Variants in SNX29 observed in about 807,000 individuals in gnomAD.
The protein encoded by SNX29 is sorting nexin-29.
SNX29 carries 78 observed loss-of-function variants against 102.1 expected under a neutral mutation model. The observed-to-expected ratio is 0.76, with a 90% CI of 0.64 to 0.92. The LOEUF is 0.92. Among genes scored for constraint, SNX29 ranks in the 40% least tolerant of loss-of-function variants. The probability of loss-of-function intolerance (pLI) is 0.00; values close to 1 mark genes in which losing one functional copy is unlikely to be tolerated. For synonymous variants in SNX29, 580 were observed against 414.5 expected, an observed-to-expected ratio of 1.40 and a Z score of -4.85; for missense variants, 1,280 against 1,061.7, an observed-to-expected ratio of 1.21 and a Z score of -2.86.
intron 14 of SNX29, among the ~76,000 whole-genome samples, chr16:12,251,460 TG>T (rs577212654): frequency 6.6e-6 from 1 of 152,268 alleles, no homozygotes; most frequent in African/African-American, 2.4e-5. Flanking sequence ...CCCAACACTT[TG>T]GGGGGCCAAG....
At chr16:12,476,533 G>A (rs1287460083) in intron 18 of SNX29, among the ~76,000 whole-genome samples, 2 of 146,828 alleles carry the variant, frequency 1.4e-5, no homozygotes, top group Non-Finnish European at 3.0e-5. Flanking sequence ...TGTTGAAGAA[G>A]CCTTGAGTAA....
At chr16:12,380,233 G>A (rs1342013448) in intron 16 of SNX29, among the ~76,000 whole-genome samples, 1 of 144,442 alleles carries the variant, frequency 6.9e-6, no homozygotes, top group East Asian at 1.9e-4. Flanking sequence ...GAGGGTACAG[G>A]CTTAGACAAT....
At chr16:12,386,400 G>A (rs1197862447) in intron 16 of SNX29, among the ~76,000 whole-genome samples, 1 of 152,204 alleles carries the variant, frequency 6.6e-6, no homozygotes, top group Non-Finnish European at 1.5e-5. Flanking sequence ...CCATGGAGGA[G>A]GAAGCGAAGG....
chr16:12,529,963 A>G (rs538794980), intron 20 of SNX29, among the ~76,000 whole-genome samples: 117 of 152,320 alleles, frequency 7.7e-4, no homozygotes, highest in African/African-American at 2.6e-3. Flanking sequence ...TGGTGATGCC[A>G]TGCAAGAGAT....
At chr16:12,536,890 C>T (rs2865230) in intron 20 of SNX29, among the ~76,000 whole-genome samples, 18,644 of 152,128 alleles carry the variant, frequency 0.12, 1,389 homozygotes, top group Non-Finnish European at 0.16. Context: ...GCAAGATAAT[C>T]GCTTGAGCCC....
intron 14 of SNX29, among the ~76,000 whole-genome samples, chr16:12,232,097 AGTT>A (rs1215924822): frequency 2.0e-5 from 3 of 152,120 alleles, no homozygotes; most frequent in Admixed American, 6.5e-5. Context: ...GGTTTTTAGC[AGTT>A]GTTGTGATTT....
At chr16:12,458,842 A>G (rs2086646733) in intron 18 of SNX29, among the ~76,000 whole-genome samples, 1 of 152,182 alleles carries the variant, frequency 6.6e-6, no homozygotes, top group Non-Finnish European at 1.5e-5. Context: ...CACACAGGAG[A>G]AAACTACCCA....
At chr16:12,068,040 G>A (rs1170042766) in intron 9 of SNX29, among the ~76,000 whole-genome samples, 1 of 152,162 alleles carries the variant, frequency 6.6e-6, no homozygotes, top group Non-Finnish European at 1.5e-5. Context: ...TCAGGAATTA[G>A]ACCATGCTGC....
chr16:12,321,517 A>G (rs1410473914), intron 15 of SNX29, among the ~76,000 whole-genome samples: 1 of 152,144 alleles, frequency 6.6e-6, no homozygotes, highest in Non-Finnish European at 1.5e-5. Flanking sequence ...CTTCCGTGGA[A>G]CATTGTTGCA....
intron 19 of SNX29, among the ~76,000 whole-genome samples, chr16:12,507,832 G>C (rs1217219012): frequency 6.6e-6 from 1 of 152,146 alleles, no homozygotes; most frequent in African/African-American, 2.4e-5. Flanking sequence ...CTTGACAGGT[G>C]GCGCTTCTGT....
intron 14 of SNX29, among the ~76,000 whole-genome samples, chr16:12,237,601 G>A (rs773310730): frequency 2.6e-5 from 4 of 151,184 alleles, no homozygotes; most frequent in Non-Finnish European, 2.9e-5. Context: ...TGAAACCCCC[G>A]TCTCTACTAA....
chr16:12,195,854 A>G (rs2076759255), intron 13 of SNX29, among the ~76,000 whole-genome samples: 1 of 152,120 alleles, frequency 6.6e-6, no homozygotes, highest in South Asian at 2.1e-4. Context: ...TGGTCTAATG[A>G]GACACCAAGT....
At chr16:12,558,310 A>T (rs1368219047) in intron 20 of SNX29, among the ~76,000 whole-genome samples, 5 of 151,996 alleles carry the variant, frequency 3.3e-5, no homozygotes, top group African/African-American at 1.2e-4. Flanking sequence ...GCCCCTGGTC[A>T]CCTCAAGTGG....
chr16:12,406,199 G>C (rs896633921), intron 18 of SNX29, among the ~76,000 whole-genome samples: 1 of 152,094 alleles, frequency 6.6e-6, no homozygotes, highest in African/African-American at 2.4e-5. Flanking sequence ...ATATATATGT[G>C]TCATGAGATT....
chr16:12,413,262 G>C (rs1375849372), intron 18 of SNX29, among the ~76,000 whole-genome samples: 1 of 152,098 alleles, frequency 6.6e-6, no homozygotes, highest in Non-Finnish European at 1.5e-5. Context: ...ACAGTGAAGG[G>C]CATAGCCAGG....
chr16:12,341,732 A>G (rs914549639), intron 15 of SNX29, among the ~76,000 whole-genome samples: 3 of 152,190 alleles, frequency 2.0e-5, no homozygotes, highest in African/African-American at 7.2e-5. Flanking sequence ...CTCAGAAGAA[A>G]CATTTGTCAC....
rs969297112 is a variant in SNX29, at chr16:12,258,451, T to C, written c.1679-19482T>C. On this transcript the variant is annotated intron_variant, in intron 14 of 20. Transcript: ENST00000566228. ...GAGGTCTCCCCACAGAGGCCCAGCC[T>C]CCATGTCTGCAGGAGCTCTCCTGAG... is the stretch of plus-strand genomic sequence containing the variant. Among the ~76,000 whole-genome samples, 4 of 152,166 alleles carry C rather than the reference T, an allele frequency of 2.6e-5. No homozygotes were observed. In the South Asian group the frequency reaches 8.3e-4, roughly 32 times the overall value.
intron 13 of SNX29, chr16:12,135,479 T>C (rs1378704423): frequency 1.9e-5 from 25 of 1,301,808 alleles, no homozygotes; most frequent in South Asian, 4.9e-5. Context: ...ACCAGGATGG[T>C]CTGATAAGAG....
intron 19 of SNX29, among the ~76,000 whole-genome samples, chr16:12,517,075 A>G (rs1371463480): frequency 2.0e-5 from 3 of 152,206 alleles, no homozygotes; most frequent in East Asian, 1.9e-4. Flanking sequence ...AGTGCCGTCT[A>G]TGAATAGCTC....
Sources: allele counts gnomAD v4.1 joint callset (sites outside exome capture counted in the v4.1 genomes callset), GRCh38; gene constraint gnomAD v4.1.1; transcripts MANE v1.5; gene names NCBI Gene and HGNC (gene_info 2026-07-23, HGNC 2026-07-21).